The following PPP4R2 variants were observed in gnomAD, a reference collection of about 807,000 sequenced individuals.
The protein encoded by PPP4R2 is protein phosphatase 4 regulatory subunit 2.
PPP4R2 carries 13 observed loss-of-function variants against 47.2 expected under a neutral mutation model. The observed-to-expected ratio is 0.28, with a 90% CI of 0.18 to 0.44. The LOEUF (loss-of-function observed/expected upper bound fraction) is 0.44, where lower values mean the gene tolerates loss of function less well. Among genes scored for constraint, PPP4R2 ranks in the 20% least tolerant of loss-of-function variants. The pLI is 1.00. For synonymous variants in PPP4R2, 151 were observed against 163.3 expected, an observed-to-expected ratio of 0.92 and a Z score of 0.57; for missense variants, 421 against 491.2, an observed-to-expected ratio of 0.86 and a Z score of 1.35.
At chr3:73,056,247 G>A (rs894159308) in intron 3 of PPP4R2, among the ~76,000 whole-genome samples, 1 of 152,132 alleles carries the variant, frequency 6.6e-6, no homozygotes, top group South Asian at 2.1e-4. Context: ...CCAGTGTCAC[G>A]CTTACTAAGC....
Position 73,062,120 on chromosome 3 carries a change from TCA to T in PPP4R2, c.419+1063_419+1064del, listed in dbSNP as rs1158048005. On this transcript the variant is annotated intron_variant, in intron 5 of 8. Coordinates refer to ENST00000356692, the MANE Select transcript of PPP4R2 (RefSeq NM_174907.4). ...TTAAATTGTATGCTTATGTTAATTC[TCA>T]CAGTCTTTTTGTTTGGGTCTGTGAC... The T allele has an allele frequency of 3.9e-6, 6 of 1,548,406 alleles. No homozygotes were observed. The African/African-American group carries it at 4.1e-5, about 11-fold the overall frequency.
intron 3 of PPP4R2, among the ~76,000 whole-genome samples, chr3:73,048,035 C>G (rs1224084216): frequency 2.0e-5 from 3 of 152,266 alleles, no homozygotes; most frequent in East Asian, 3.9e-4. Context: ...TGCCACCACA[C>G]CCGGCTAATT....
chr3:73,010,449 G>A (rs1233840227), intron 2 of PPP4R2, among the ~76,000 whole-genome samples: 1 of 152,154 alleles, frequency 6.6e-6, no homozygotes, highest in Non-Finnish European at 1.5e-5. Context: ...GCAGCTATAA[G>A]TGTCATAGTA....
intron 2 of PPP4R2, among the ~76,000 whole-genome samples, chr3:73,020,990 G>A (rs1701948399): frequency 6.6e-6 from 1 of 152,134 alleles, no homozygotes; most frequent in Admixed American, 6.5e-5. Context: ...TTTTAGTGGT[G>A]TGGGGCAGGC....
chr3:73,002,223 A>G lies in PPP4R2; in HGVS notation c.116+4065A>G, dbSNP rs114295820. On this transcript the variant is annotated intron_variant, in intron 2 of 8. Transcript: ENST00000356692. ...AATAATATACCACATTTTCTTTTCC[A>G]TTGATGGGAACTCAGGTTGGTTCCT... Among the ~76,000 whole-genome samples, 275 of 152,176 alleles carry G rather than the reference A, an allele frequency of 1.8e-3. 1 individual carries two copies. Among genetic ancestry groups the G allele is most frequent in the Middle Eastern group, 0.01 (3 of 294 alleles).
intron 1 of PPP4R2, chr3:72,997,316 C>T (rs1449437030): frequency 2.6e-6 from 1 of 390,356 alleles, no homozygotes; most frequent in Non-Finnish European, 4.6e-6. Flanking sequence ...GAAACTCTTG[C>T]GGGGGCCCCA....
chr3:73,062,483 T>TG (rs1311727261), intron 5 of PPP4R2: 7 of 1,613,282 alleles, frequency 4.3e-6, no homozygotes, highest in Non-Finnish European at 5.9e-6. Context: ...TCATATTTGA[T>TG]GGGTTACACC....
chr3:73,053,059 C>A (rs899366166), intron 3 of PPP4R2, among the ~76,000 whole-genome samples: 1 of 152,194 alleles, frequency 6.6e-6, no homozygotes, highest in East Asian at 1.9e-4. Flanking sequence ...GGTCCTTAGC[C>A]GTTTATTACT....
At chr3:73,021,916 T>TC (rs1701969437) in intron 2 of PPP4R2, among the ~76,000 whole-genome samples, 1 of 142,616 alleles carries the variant, frequency 7.0e-6, no homozygotes, top group African/African-American at 2.6e-5. Context: ...TTTTTTTTTT[T>TC]GAAACAATCT....
chr3:73,050,674 T>C (rs1282703788), intron 3 of PPP4R2, among the ~76,000 whole-genome samples: 1 of 152,174 alleles, frequency 6.6e-6, no homozygotes, highest in African/African-American at 2.4e-5. Context: ...CTAGTGGTAT[T>C]TTCCTTTTAG....
intron 2 of PPP4R2, among the ~76,000 whole-genome samples, chr3:73,010,470 C>G (rs1327458162): frequency 1.3e-5 from 2 of 152,102 alleles, no homozygotes; most frequent in African/African-American, 4.8e-5. Context: ...TCTCTCTTGT[C>G]TCTATGCTTG....
intron 2 of PPP4R2, among the ~76,000 whole-genome samples, chr3:73,030,902 A>G (rs1429433148): frequency 6.6e-6 from 1 of 151,934 alleles, no homozygotes; most frequent in Admixed American, 6.6e-5. Context: ...GGGTTTCACC[A>G]TGTTGAGCAG....
At chr3:73,018,452 T>TGTTATGTTATGTTTGTTATGTTATG in intron 2 of PPP4R2, among the ~76,000 whole-genome samples, 4 of 96,498 alleles carry the variant, frequency 4.1e-5, no homozygotes, top group African/African-American at 1.1e-4. Context: ...TGTTATGTTA[T>TGTTATGTTATGTTTGTTATGTTATG]TTATGTTATG....
intron 2 of PPP4R2, among the ~76,000 whole-genome samples, chr3:73,001,746 C>T (rs548422407): frequency 6.6e-6 from 1 of 152,186 alleles, no homozygotes; most frequent in East Asian, 1.9e-4. Flanking sequence ...TCAAGCGATT[C>T]TCCTGCCTCA....
chr3:73,036,143 C>T (rs1038551158), intron 2 of PPP4R2, among the ~76,000 whole-genome samples: 3 of 152,002 alleles, frequency 2.0e-5, no homozygotes, highest in Admixed American at 6.6e-5. Context: ...ATAAGCCAGG[C>T]ACAGAAAGAC....
At chr3:73,047,151 A>C (rs1040489507) in intron 2 of PPP4R2, 35 bp from the exon 3 acceptor site, 2 of 1,203,812 alleles carry the variant, frequency 1.7e-6, no homozygotes, top group Non-Finnish European at 2.3e-6. Context: ...GTGAAGCTAC[A>C]TGGTATTATA....
chr3:73,015,017 C>T (rs1452755420), intron 2 of PPP4R2: 1 of 662,624 alleles, frequency 1.5e-6, no homozygotes, highest in Admixed American at 2.3e-5. Context: ...ATTTTTTTTC[C>T]TCGAAATATA....
chr3:73,052,246 C>T (rs3933000), intron 3 of PPP4R2, among the ~76,000 whole-genome samples: 71,679 of 137,916 alleles, frequency 0.52, 18,847 homozygotes, highest in African/African-American at 0.6. Flanking sequence ...TCTTTCTTTT[C>T]TTTTTTTTTT....
intron 2 of PPP4R2, among the ~76,000 whole-genome samples, chr3:73,013,785 C>T (rs896882083): frequency 3.9e-5 from 6 of 152,094 alleles, no homozygotes; most frequent in South Asian, 4.1e-4. Context: ...ATTACGGGCA[C>T]GTGCCACCGT....
Sources: allele counts gnomAD v4.1 joint callset (sites outside exome capture counted in the v4.1 genomes callset), GRCh38; gene constraint gnomAD v4.1.1; transcripts MANE v1.5; gene names NCBI Gene and HGNC (gene_info 2026-07-23, HGNC 2026-07-21).